The following CTNND2 variants were observed in gnomAD, a reference collection of about 807,000 sequenced individuals.
CTNND2 encodes the protein catenin delta-2.
A neutral mutation model predicts 144.4 loss-of-function variants in CTNND2; 22 were observed. The observed-to-expected ratio is 0.15, with a 90% CI of 0.11 to 0.22. The LOEUF (loss-of-function observed/expected upper bound fraction) is 0.22. Ranked by LOEUF, CTNND2 falls within the 10% of genes least tolerant of loss-of-function variation. CTNND2 has a pLI of 1.00. For missense variants in CTNND2, 1,353 were observed against 1,618.8 expected (o/e 0.84, Z 2.82); for synonymous variants, 751 against 695.6 (o/e 1.08, Z -1.25).
chr5:11,195,770 A>G (rs1315552672), intron 11 of CTNND2, among the ~76,000 whole-genome samples: 2 of 152,226 alleles, frequency 1.3e-5, no homozygotes, highest in African/African-American at 2.4e-5. Flanking sequence ...TTGGTCAATT[A>G]TTTCCATATT....
intron 16 of CTNND2, among the ~76,000 whole-genome samples, chr5:11,065,505 T>A (rs548046966): frequency 5.9e-5 from 9 of 152,346 alleles, no homozygotes; most frequent in African/African-American, 1.7e-4. Flanking sequence ...TTTTCCCCTA[T>A]GGAGATGCTT....
At chr5:11,206,704 C>A (rs1738084711) in intron 10 of CTNND2, among the ~76,000 whole-genome samples, 1 of 152,168 alleles carries the variant, frequency 6.6e-6, no homozygotes, top group Non-Finnish European at 1.5e-5. Flanking sequence ...ATGATTTTCT[C>A]TAAATTACAA....
chr5:11,546,642 T>G (rs1775260390), intron 3 of CTNND2, among the ~76,000 whole-genome samples: 1 of 152,122 alleles, frequency 6.6e-6, no homozygotes, highest in South Asian at 2.1e-4. Flanking sequence ...TAACAAAAAC[T>G]CTGTGGAGCC....
Position 11,232,438 on chromosome 5 carries a change from G to A in CTNND2, c.1761+4253C>T, listed in dbSNP as rs544989341. On this transcript the variant is annotated intron_variant, in intron 10 of 21. Coordinates refer to ENST00000304623, the MANE Select transcript of CTNND2 (RefSeq NM_001332.4). The stretch of plus-strand genomic sequence containing the variant: ...ATGGGAGCCCATCTCTTGCATCAGC[G>A]TGACCTGCGAGTGAGACATGAAGTC... Among the ~76,000 whole-genome samples, 24 of 152,358 alleles carry A rather than the reference G, an allele frequency of 1.6e-4. 1 individual carries two copies. In the South Asian group the frequency reaches 4.1e-3, roughly 26 times the overall value.
chr5:11,502,330 C>T (rs16901685), intron 3 of CTNND2, among the ~76,000 whole-genome samples: 2,481 of 152,144 alleles, frequency 0.016, 67 homozygotes, highest in African/African-American at 0.057. Context: ...AAACTGTTAC[C>T]TTTCTTCATG....
At chr5:11,517,943 G>A (rs1268580906) in intron 3 of CTNND2, among the ~76,000 whole-genome samples, 1 of 152,178 alleles carries the variant, frequency 6.6e-6, no homozygotes, top group Non-Finnish European at 1.5e-5. Context: ...AATACTGCAG[G>A]ATTACGTTTA....
intron 3 of CTNND2, among the ~76,000 whole-genome samples, chr5:11,515,701 A>T (rs1772103572): frequency 1.3e-5 from 2 of 152,210 alleles, no homozygotes; most frequent in Non-Finnish European, 1.5e-5. Context: ...ATATCACTCA[A>T]ATTTGAATTT....
At chr5:11,079,302 G>T (rs995197528) in intron 16 of CTNND2, among the ~76,000 whole-genome samples, 22 of 123,390 alleles carry the variant, frequency 1.8e-4, no homozygotes, top group Non-Finnish European at 3.2e-4. Context: ...GCTCCCTTCT[G>T]CTGAGCCTCT....
intron 3 of CTNND2, among the ~76,000 whole-genome samples, chr5:11,521,890 C>G (rs918545670): frequency 1.3e-5 from 2 of 152,164 alleles, no homozygotes; most frequent in African/African-American, 4.8e-5. Flanking sequence ...GCACTCCCAA[C>G]GAGAACAATT....
At chr5:11,688,159 C>T (rs1471002516) in intron 2 of CTNND2, among the ~76,000 whole-genome samples, 2 of 152,132 alleles carry the variant, frequency 1.3e-5, no homozygotes, top group South Asian at 2.1e-4. Context: ...CTGGCTATTA[C>T]TACTTATTAA....
chr5:11,014,088 C>G (rs1188672155), intron 18 of CTNND2, among the ~76,000 whole-genome samples: 1 of 151,902 alleles, frequency 6.6e-6, no homozygotes, highest in African/African-American at 2.4e-5. Flanking sequence ...TGTGTAGTCT[C>G]AGCTCCTATA....
chr5:11,537,695 C>G (rs565459167), intron 3 of CTNND2, among the ~76,000 whole-genome samples: 15 of 152,282 alleles, frequency 9.9e-5, no homozygotes, highest in Middle Eastern at 3.4e-3. Context: ...AATTCAGAAG[C>G]AGGGACTCTT....
At chr5:11,880,968 TACTACC>T (rs1284041696) in intron 1 of CTNND2, among the ~76,000 whole-genome samples, 2 of 147,492 alleles carry the variant, frequency 1.4e-5, no homozygotes, top group African/African-American at 2.5e-5. Context: ...CCACTACTAC[TACTACC>T]ACTACCACTA....
intron 11 of CTNND2, among the ~76,000 whole-genome samples, chr5:11,181,945 G>A (rs201881876): frequency 1.4e-5 from 2 of 142,772 alleles, no homozygotes; most frequent in African/African-American, 5.3e-5. Flanking sequence ...TGTGTGTGTG[G>A]GGGGGTGCGT....
intron 2 of CTNND2, among the ~76,000 whole-genome samples, chr5:11,633,671 G>C (rs945489908): frequency 6.6e-6 from 1 of 151,660 alleles, no homozygotes; most frequent in African/African-American, 2.4e-5. Context: ...AGCTTCTATG[G>C]AGGCTAAGGC....
chr5:11,472,465 C>G (rs1290485045), intron 3 of CTNND2, among the ~76,000 whole-genome samples: 3 of 152,116 alleles, frequency 2.0e-5, no homozygotes, highest in Admixed American at 2.0e-4. Flanking sequence ...AGATTCTTGC[C>G]TCATCCCTAA....
intron 7 of CTNND2, among the ~76,000 whole-genome samples, chr5:11,382,909 T>C (rs1210750813): frequency 6.6e-6 from 1 of 152,076 alleles, no homozygotes; most frequent in Non-Finnish European, 1.5e-5. Context: ...CCCTTATACC[T>C]TCCCTGGGCC....
intron 1 of CTNND2, among the ~76,000 whole-genome samples, chr5:11,795,822 C>T (rs1791371139): frequency 6.6e-6 from 1 of 152,200 alleles, no homozygotes; most frequent in Non-Finnish European, 1.5e-5. Flanking sequence ...GAAAAGGTTA[C>T]CACAGACTTA....
chr5:11,711,352 G>A (rs566906303), intron 2 of CTNND2, among the ~76,000 whole-genome samples: 8 of 152,156 alleles, frequency 5.3e-5, no homozygotes, highest in East Asian at 3.9e-4. Flanking sequence ...CCACCACGCC[G>A]GGCCGACTGG....
Sources: allele counts gnomAD v4.1 joint callset (sites outside exome capture counted in the v4.1 genomes callset), GRCh38; gene constraint gnomAD v4.1.1; transcripts MANE v1.5; gene names NCBI Gene and HGNC (gene_info 2026-07-23, HGNC 2026-07-21).